The following ROBO2 variants were observed in gnomAD, a reference collection of about 807,000 sequenced individuals.
ROBO2 encodes roundabout homolog 2.
ROBO2 carries 53 observed loss-of-function variants against 160.8 expected under a neutral mutation model. The observed-to-expected ratio is 0.33, with a 90% confidence interval of 0.26 to 0.41. The LOEUF (loss-of-function observed/expected upper bound fraction) is 0.41. Among genes scored for constraint, ROBO2 ranks in the 10% least tolerant of loss-of-function variants. ROBO2 has a pLI of 1.00. For synonymous variants in ROBO2, 664 were observed against 611.7 expected (o/e 1.09, Z -1.26); for missense variants, 1,577 against 1,722.4 (o/e 0.92, Z 1.49).
chr3:76,289,319 T>G (rs1371385380), intron 2 of ROBO2, among the ~76,000 whole-genome samples: 1 of 152,166 alleles, frequency 6.6e-6, no homozygotes, highest in Non-Finnish European at 1.5e-5. Flanking sequence ...TGTTTACATC[T>G]TTTACTCACT....
chr3:76,487,541 C>G (rs892428568), intron 2 of ROBO2, among the ~76,000 whole-genome samples: 2 of 152,086 alleles, frequency 1.3e-5, no homozygotes, highest in Non-Finnish European at 2.9e-5. Flanking sequence ...TTAAAGTAAG[C>G]CTAGTGGTCC....
chr3:76,483,362 G>A (rs964089111), intron 2 of ROBO2, among the ~76,000 whole-genome samples: 1 of 151,026 alleles, frequency 6.6e-6, no homozygotes, highest in South Asian at 2.1e-4. Context: ...TCCTGTGCAG[G>A]TTTGTTACCT....
intron 2 of ROBO2, among the ~76,000 whole-genome samples, chr3:76,521,377 A>C (rs2081609770): frequency 6.6e-6 from 1 of 152,102 alleles, no homozygotes; most frequent in South Asian, 2.1e-4. Flanking sequence ...GCATGGTGTG[A>C]TTCCAGTGGA....
intron 2 of ROBO2, among the ~76,000 whole-genome samples, chr3:76,027,881 A>G (rs1254121651): frequency 6.6e-6 from 1 of 151,958 alleles, no homozygotes; most frequent in Non-Finnish European, 1.5e-5. Flanking sequence ...TGACAATCCT[A>G]TGTTAGGAAT....
intron 2 of ROBO2, among the ~76,000 whole-genome samples, chr3:76,064,994 T>A (rs1376255136): frequency 1.3e-5 from 2 of 152,162 alleles, no homozygotes; most frequent in African/African-American, 4.8e-5. Flanking sequence ...TAGTCATTAA[T>A]CAATTTGCAT....
At chr3:76,835,546 T>C (rs1257696348) in intron 2 of ROBO2, among the ~76,000 whole-genome samples, 2 of 151,252 alleles carry the variant, frequency 1.3e-5, no homozygotes, top group Non-Finnish European at 3.0e-5. Flanking sequence ...AATTTTTCAT[T>C]GTTACAAAGG....
intron 2 of ROBO2, among the ~76,000 whole-genome samples, chr3:77,154,449 T>G (rs2077807941): frequency 6.6e-6 from 1 of 152,024 alleles, no homozygotes; most frequent in South Asian, 2.1e-4. Context: ...TGGAAAGTAG[T>G]TTGGTGGTTT....
chr3:77,430,883 T>G (rs977317186), intron 2 of ROBO2, among the ~76,000 whole-genome samples: 2 of 152,236 alleles, frequency 1.3e-5, no homozygotes, highest in Admixed American at 1.3e-4. Flanking sequence ...ATTCTGTCAG[T>G]GATTTTTGCT....
chr3:76,742,840 T>G (rs1228802646), intron 2 of ROBO2, among the ~76,000 whole-genome samples: 1 of 118,240 alleles, frequency 8.5e-6, no homozygotes, highest in Non-Finnish European at 1.6e-5. Context: ...ACCAAAATCC[T>G]CATTCATTTC....
At chr3:76,993,273 T>C in intron 2 of ROBO2, among the ~76,000 whole-genome samples, 1 of 152,336 alleles carries the variant, frequency 6.6e-6, no homozygotes, top group East Asian at 1.9e-4. Context: ...GAGTCTATTA[T>C]TGTTTAAAAA....
At chr3:77,593,654 T>C (rs1332899181) in intron 17 of ROBO2, among the ~76,000 whole-genome samples, 1 of 152,150 alleles carries the variant, frequency 6.6e-6, no homozygotes, top group Non-Finnish European at 1.5e-5. Context: ...CTGATTATGA[T>C]AGCATGAGAG....
intron 2 of ROBO2, among the ~76,000 whole-genome samples, chr3:75,959,163 A>G (rs1189300451): frequency 6.6e-6 from 1 of 151,724 alleles, no homozygotes; most frequent in Non-Finnish European, 1.5e-5. Flanking sequence ...TCTTTTTGAA[A>G]CCTAGGTTTT....
intron 2 of ROBO2, among the ~76,000 whole-genome samples, chr3:77,444,219 G>C (rs2080238540): frequency 6.6e-6 from 1 of 152,070 alleles, no homozygotes; most frequent in East Asian, 1.9e-4. Context: ...ATAAATGTAG[G>C]TTCACGTCTT....
intron 9 of ROBO2, among the ~76,000 whole-genome samples, chr3:77,561,788 T>A (rs1251757145): frequency 6.6e-6 from 1 of 152,120 alleles, no homozygotes; most frequent in African/African-American, 2.4e-5. Flanking sequence ...AGTTTTTAAA[T>A]GAAGAAGTTT....
chr3:77,627,407 G>C (rs1211967224), intron 23 of ROBO2, among the ~76,000 whole-genome samples: 2 of 151,904 alleles, frequency 1.3e-5, no homozygotes, highest in African/African-American at 4.8e-5. Flanking sequence ...AGCCTCCTGA[G>C]TAGCTGGGAT....
At chr3:77,616,210 T>C (rs2094772537) in intron 21 of ROBO2, among the ~76,000 whole-genome samples, 1 of 151,848 alleles carries the variant, frequency 6.6e-6, no homozygotes, top group Admixed American at 6.6e-5. Context: ...GAAGGAAGAG[T>C]AGGCAGTTAC....
At chr3:76,159,274 C>T (rs2072527071) in intron 2 of ROBO2, among the ~76,000 whole-genome samples, 1 of 152,174 alleles carries the variant, frequency 6.6e-6, no homozygotes, top group African/African-American at 2.4e-5. Flanking sequence ...CAACTCCTTT[C>T]ATACAAGCCC....
At chr3:77,052,746 T>C (rs1309915638) in intron 1 of ROBO2, among the ~76,000 whole-genome samples, 1 of 152,196 alleles carries the variant, frequency 6.6e-6, no homozygotes, top group Non-Finnish European at 1.5e-5. Context: ...TATGATGACA[T>C]CAAACTAAGA....
chr3:77,052,472 A>G (rs894909203), intron 1 of ROBO2, among the ~76,000 whole-genome samples: 7 of 152,122 alleles, frequency 4.6e-5, no homozygotes, highest in Non-Finnish European at 2.9e-5. Flanking sequence ...AGTGATTAAT[A>G]CCTTCTGTTT....
Sources: gnomAD v4.1 joint callset for allele counts (sites outside exome capture counted in the v4.1 genomes callset) on GRCh38, gnomAD v4.1.1 for gene constraint, MANE v1.5 for transcripts, NCBI Gene and HGNC (gene_info 2026-07-23, HGNC 2026-07-21) for gene names.